Variants in MROH6 observed in about 807,000 individuals in gnomAD.
MROH6 encodes maestro heat-like repeat-containing protein family member 6.
In MROH6, 62 loss-of-function variants were observed where a neutral mutation model predicts 67.7. The observed-to-expected ratio is 0.92, with a 90% CI of 0.75 to 1.13. MROH6 has a LOEUF of 1.13. MROH6 is among the 50% of genes most tolerant of loss of function. The pLI is 0.00. For missense variants in MROH6, 1,175 were observed against 1,029.1 expected, an observed-to-expected ratio of 1.14 and a Z score of -1.94; for synonymous variants, 566 against 470.8, an observed-to-expected ratio of 1.20 and a Z score of -2.62.
In MROH6 at chr8:143,568,645, C is replaced by T. The variant is rs1587010467; in HGVS notation, c.1551G>A (p.Arg517=). 1 of 1,534,020 alleles carries T rather than the reference C, an allele frequency of 6.5e-7. No homozygotes were observed. The highest frequency in any genetic ancestry group is 2.4e-5 in the East Asian group (1 of 40,862). The change falls in exon 10 of 14, where the codon CGG becomes CGA. Residue 517 remains arginine (R), a synonymous_variant. Transcript: ENST00000398882. ...TCCGCAGGGGGCCGCGGAGCCCCAG[C>T]CGGAGCCCGCCCCGGCCCCGGCGCA... ...TLVRRGRGGL[R]LGLRGPLRKL...
At chr8:143,571,967 C>A in intron 2 of MROH6, 66 bp downstream of exon 2, 1 of 1,549,644 alleles carries the variant, frequency 6.5e-7, no homozygotes. Flanking sequence ...CTCTCCAGGC[C>A]CCTCCCACCA....
chr8:143,571,187 C>T (rs1824015010), intron 3 of MROH6, among the ~76,000 whole-genome samples, 193 bp from the exon 4 acceptor site: 1 of 152,316 alleles, frequency 6.6e-6, no homozygotes, highest in South Asian at 2.1e-4. Context: ...CACAACATAG[C>T]CTATCTCAAG....
At position 143,572,762 on chromosome 8, in the gene MROH6, T is replaced by C; in HGVS notation, c.-48A>G. On this transcript the variant is annotated 5_prime_UTR_variant, in exon 1 of 14. Transcript: ENST00000398882. ...TGCCGCTGCTCCTCCTGCGAAGTTGTGCCCAGGACTGACCTAGAAGCCGCC... is the reference window on the plus strand; with the variant it reads ...TGCCGCTGCTCCTCCTGCGAAGTTGCGCCCAGGACTGACCTAGAAGCCGCC... 7.0e-7 allele frequency: 1 copy of C among 1,430,432 alleles called. No homozygotes were observed. The highest frequency in any genetic ancestry group is 1.5e-5 in the South Asian group (1 of 67,834). The allele number at this position is 1,430,432 out of a possible 1,614,324, so 88.6% of individuals were successfully genotyped here. A position where few individuals can be genotyped will look rare whatever the true frequency, so the allele number is the denominator to read the frequency against.
In MROH6 at chr8:143,572,443, G is replaced by T; in HGVS notation, c.272C>A (p.Pro91Gln). 6.3e-7 allele frequency: 1 copy of T among 1,590,204 alleles called. No individual in the cohort carries two copies. Residue 91 changes from proline (P) to glutamine (Q), a missense_variant, in exon 1 of 14, where the codon CCA becomes CAA. Pro to Gln is a moderately conservative substitution (Grantham distance 76, BLOSUM62 -1). Coordinates refer to ENST00000398882, the MANE Select transcript of MROH6 (RefSeq NM_001100878.2). ...CACCTGGTGGGGCCCCTCAGGGGCT[G>T]GTTCCAGGGCACTGTTGAGGGAGCA... is the stretch of plus-strand genomic sequence containing the variant. ...EPCSLNSALEPAPEGPHQVPQ... is the reference protein window; with the variant it reads ...EPCSLNSALEQAPEGPHQVPQ...
At chr8:143,568,302 T>C in intron 10 of MROH6, 41 bp from the exon 11 acceptor site, 7 of 1,567,864 alleles carry the variant, frequency 4.5e-6, no homozygotes, top group Non-Finnish European at 6.1e-6. Context: ...GTCCAGGAAG[T>C]AGAAAGGCAA....
Position 143,572,719 on chromosome 8 carries a change from G to A in MROH6, c.-5C>T, listed in dbSNP as rs753643600. 5.2e-5 allele frequency: 77 copies of A among 1,469,934 alleles called. No individual in the cohort carries two copies. The African/African-American group carries it at 7.3e-4, about 14-fold the overall frequency. The allele number at this position is 1,469,934 out of a possible 1,614,324, so 91.1% of individuals were successfully genotyped here. ...GCCCCACACACCCCCAGCCATGGCG[G>A]CCCTTGCCTGCAGCACCTGCCGCTG... is the stretch of plus-strand genomic sequence containing the variant. On this transcript the variant is annotated 5_prime_UTR_variant, in exon 1 of 14. Transcript: ENST00000398882.
intron 10 of MROH6, 34 bp downstream of exon 10, chr8:143,568,518 G>T: frequency 6.7e-7 from 1 of 1,499,856 alleles, no homozygotes; most frequent in Non-Finnish European, 8.9e-7. Context: ...GTGTTGGATG[G>T]CATAGGGGTG....
In MROH6 at chr8:143,567,618, C is replaced by T. The variant is rs371571650; in HGVS notation, c.1926G>A (p.Leu642=). 6 of 1,562,932 alleles carry T rather than the reference C, an allele frequency of 3.8e-6. No homozygotes were observed. In the African/African-American group the frequency reaches 8.2e-5, roughly 21 times the overall value. The change falls in exon 13 of 14, where the codon CTG becomes CTA. Residue 642 remains leucine (L), a synonymous_variant. Transcript: ENST00000398882. Reference sequence around the variant, plus strand: ...GGCAAGGTGGGGCCTCACCCTGGAACAGGGAGTCCAGCAGGTCCTGGTTGA... The same window carrying T: ...GGCAAGGTGGGGCCTCACCCTGGAATAGGGAGTCCAGCAGGTCCTGGTTGA... ...GCVNQDLLDS[L]FQDLGRLQSD... is the part of the protein sequence containing the mutation.
rs1823943832 is a variant in MROH6 at position 143,570,384 on chromosome 8, G to A, written c.906-4C>T. On this transcript the variant is annotated splice_polypyrimidine_tract_variant and splice_region_variant and intron_variant, in intron 5 of 13. Transcript: ENST00000398882. ...CTTCAAGGCCTCCACAGCACAGCTG[G>A]TGGTGGGGACAGTGAGCAGGTGGGC... 6.2e-7 allele frequency: 1 copy of A among 1,609,280 alleles called. No individual in the cohort carries two copies. The highest frequency in any genetic ancestry group is 1.3e-5 in the African/African-American group (1 of 74,972).
chr8:143,570,149 C>A, intron 6 of MROH6, 84 bp from the exon 7 acceptor site: 2 of 1,564,782 alleles, frequency 1.3e-6, no homozygotes, highest in African/African-American at 1.3e-5. Context: ...CACCCTCATG[C>A]CCCTGCCTTT....
In MROH6 at chr8:143,568,227, G is replaced by C; in HGVS notation, c.1679C>G (p.Ala560Gly). The change falls in exon 11 of 14, where the codon GCC becomes GGC. Residue 560 changes from alanine to glycine, a missense_variant. Coordinates refer to ENST00000398882, the MANE Select transcript of MROH6 (RefSeq NM_001100878.2). The stretch of plus-strand genomic sequence containing the variant: ...CTCCTCCAGCAGGCCCCAGCAAAAG[G>C]CGTGGTCACAGCGGGCCAGGGTCCA... ...SEWTLARCDH[A>G]FCWGLLEELV... The C allele has an allele frequency of 1.2e-6, 2 of 1,611,088 alleles. No individual in the cohort carries two copies. The highest frequency in any genetic ancestry group is 1.7e-5 in the Admixed American group (1 of 59,828).
intron 10 of MROH6, 69 bp downstream of exon 10, chr8:143,568,483 A>AGGGGAGGCACGGTGGGAGTGGTGAGTGT: frequency 6.9e-7 from 1 of 1,459,054 alleles, no homozygotes; most frequent in Non-Finnish European, 9.0e-7. Context: ...TAATTGTCGG[A>AGGGGAGGCACGGTGGGAGTGGTGAGTGT]GGGGAGGCAC....
chr8:143,569,496 G>A lies in MROH6; in HGVS notation c.1421C>T (p.Pro474Leu). The change falls in exon 9 of 14, where the codon CCT becomes CTT. Residue 474 changes from proline (P) to leucine (L), a missense_variant. Pro to Leu is a moderately conservative substitution (Grantham distance 98). Transcript: ENST00000398882. ...CAGCTCCGCGCTCAGGAGCCGCACA[G>A]GCGCCCGGGGCCGCAGCAGGAGCCT... The part of the protein sequence containing the change: ...LRRLLLRPRA[P>L]VRLLSAELGP... 1 of 1,484,886 alleles carries A rather than the reference G, an allele frequency of 6.7e-7. No homozygotes were observed. The highest frequency in any genetic ancestry group is 8.9e-7 in the Non-Finnish European group (1 of 1,127,212). The allele number at this position is 1,484,886 out of a possible 1,614,324, so 92.0% of individuals were successfully genotyped here.
Position 143,567,376 on chromosome 8 carries a change from GGGCA to G in MROH6, c.2019_2022del (p.Ala674GlyfsTer144). 1 of 1,232,948 alleles carries G rather than the reference GGGCA, an allele frequency of 8.1e-7. No homozygotes were observed. 76.4% of individuals were successfully genotyped at this position (1,232,948 alleles called of 1,614,324 possible). ...AGGCGGGGCCCGCGGGGGCAGCCCC[GGGCA>G]CGGGCCAGCATCGCCACCTGCTGAG... On this transcript the variant is annotated frameshift_variant, in exon 14 of 14. Coordinates refer to ENST00000398882, the MANE Select transcript of MROH6 (RefSeq NM_001100878.2). LOFTEE classifies it low-confidence loss of function (END_TRUNC).
At position 143,567,668 on chromosome 8, in the gene MROH6, C is replaced by T; in HGVS notation, c.1876G>A (p.Val626Ile). The T allele has an allele frequency of 6.3e-7, 1 of 1,577,962 alleles. No homozygotes were observed. Among genetic ancestry groups the T allele is most frequent in the East Asian group, 2.3e-5 (1 of 42,632 alleles). Reference sequence around the variant, plus strand: ...ACACAGCCGGGGCTGGCGTGGTGGACAAGGAAGCCTGGACCACAGCAGATG... The same window carrying T: ...ACACAGCCGGGGCTGGCGTGGTGGATAAGGAAGCCTGGACCACAGCAGATG... Reference protein sequence around the residue: ...RAAAVLIGFLVHHASPGCVNQ... With the variant: ...RAAAVLIGFLIHHASPGCVNQ... Residue 626 changes from valine (V) to isoleucine (I), a missense_variant, in exon 13 of 14, where the codon GTC becomes ATC. Transcript: ENST00000398882.
rs560599830 is a variant in MROH6 at position 143,568,711 on chromosome 8, G to C, written c.1485C>G (p.Asp495Glu). The C allele has an allele frequency of 1.1e-4, 164 of 1,490,690 alleles. No individual in the cohort carries two copies. The African/African-American group carries it at 2.1e-3, about 19-fold the overall frequency. The allele number at this position is 1,490,690 out of a possible 1,614,324, so 92.3% of individuals were successfully genotyped here. ...GCCCGACGGCCGAGGCGCGGATTGA[G>C]TCCCGTGTCTGCGTGGGAGGGCGCA... ...RLPPLLDDTR[D>E]SIRASAVGLL... The change falls in exon 10 of 14, where the codon GAC becomes GAG. Residue 495 changes from aspartate (D) to glutamate (E), a missense_variant. Transcript: ENST00000398882.
rs748895278 is a variant in MROH6 at position 143,570,241 on chromosome 8, ACCTGGCCAGCAGCAGGACG to A, written c.1026_1043+1del. The stretch of plus-strand genomic sequence containing the variant: ...CCTGGGGCCCCTCCTCACCCTCCTC[ACCTGGCCAGCAGCAGGACG>A]CCCTCCAGGTGGGTGTGGGCTCCCA... On this transcript the variant is annotated splice_donor_variant and coding_sequence_variant, in exon 6 of 14. Coordinates refer to ENST00000398882, the MANE Select transcript of MROH6 (RefSeq NM_001100878.2). LOFTEE classifies it high-confidence loss of function. 3 of 1,578,804 alleles carry A rather than the reference ACCTGGCCAGCAGCAGGACG, an allele frequency of 1.9e-6. No homozygotes were observed.
At chr8:143,569,380 T>C (rs1469652573) in intron 9 of MROH6, 61 bp downstream of exon 9, 2 of 1,048,864 alleles carry the variant, frequency 1.9e-6, no homozygotes, top group Non-Finnish European at 2.3e-6. Context: ...AGGGAGAGAC[T>C]GGAAGGGCGG....
At position 143,568,553 on chromosome 8, in the gene MROH6, T is replaced by C. The variant is rs2130613194; in HGVS notation, c.1643A>G (p.Glu548Gly). 2.0e-6 allele frequency: 3 copies of C among 1,534,546 alleles called. No homozygotes were observed. Among genetic ancestry groups the C allele is most frequent in the Non-Finnish European group, 2.6e-6 (3 of 1,146,522 alleles). The change falls in exon 10 of 14, where the codon GAG becomes GGG. Residue 548 changes from glutamate (E) to glycine (G), a missense_variant and splice_region_variant. Physicochemically the swap from Glu to Gly is moderately conservative, Grantham distance 98 (BLOSUM62 -2). Coordinates refer to ENST00000398882, the MANE Select transcript of MROH6 (RefSeq NM_001100878.2). ...GGGATGGTGTCGGGGGCTGCTGACC[T>C]CAGCAGCGTCCCTGCTGGGGTCATG... is the stretch of plus-strand genomic sequence containing the variant. ...RLHDPSRDAA[E>G]SSEWTLARCD...
Sources: allele counts gnomAD v4.1 joint callset (sites outside exome capture counted in the v4.1 genomes callset), GRCh38; gene constraint gnomAD v4.1.1; transcripts MANE v1.5; gene names NCBI Gene and HGNC (gene_info 2026-07-23, HGNC 2026-07-21).